The following RYR3 variants were observed in gnomAD, a reference collection of about 807,000 sequenced individuals.
RYR3 encodes the protein brain ryanodine receptor-calcium release channel.
In RYR3, 207 loss-of-function variants were observed where a neutral mutation model predicts 584.3. That is an observed-to-expected ratio of 0.35 (90% confidence interval 0.32 to 0.40). The LOEUF (loss-of-function observed/expected upper bound fraction) is 0.40, where lower values mean the gene tolerates loss of function less well. RYR3 is among the 10% of genes least tolerant of loss of function. The pLI is 1.00. For missense variants in RYR3, 5,616 were observed against 6,089.2 expected (o/e 0.92, Z 2.59); for synonymous variants, 2,416 against 2,248.5 (o/e 1.07, Z -2.11).
chr15:33,612,003 A>G (rs565298122), intron 18 of RYR3, among the ~76,000 whole-genome samples: 2 of 152,300 alleles, frequency 1.3e-5, no homozygotes, highest in African/African-American at 4.8e-5. Context: ...ATGAATACAT[A>G]TTATTTCTGT....
At chr15:33,626,935 T>C (rs1474378117) in intron 20 of RYR3, among the ~76,000 whole-genome samples, 1 of 152,096 alleles carries the variant, frequency 6.6e-6, no homozygotes, top group East Asian at 1.9e-4. Context: ...CATGGAGAAC[T>C]TCTACTAGGG....
chr15:33,599,642 G>T (rs931874773), intron 16 of RYR3, among the ~76,000 whole-genome samples: 1 of 152,154 alleles, frequency 6.6e-6, no homozygotes, highest in African/African-American at 2.4e-5. Context: ...TGAATAGAAC[G>T]GGAGGCAGGT....
chr15:33,645,352 A>T (rs12438930), intron 28 of RYR3, among the ~76,000 whole-genome samples: 1 of 151,896 alleles, frequency 6.6e-6, no homozygotes. Flanking sequence ...ATGCCAGACA[A>T]ATCAGCCCCA....
intron 1 of RYR3, among the ~76,000 whole-genome samples, chr15:33,338,089 C>T (rs999089249): frequency 2.0e-4 from 31 of 151,872 alleles, no homozygotes; most frequent in South Asian, 2.1e-4. Flanking sequence ...GGACTGCAGG[C>T]GCCCGCCACC....
chr15:33,338,735 T>G (rs1971446245), intron 1 of RYR3, among the ~76,000 whole-genome samples: 1 of 152,132 alleles, frequency 6.6e-6, no homozygotes, highest in Non-Finnish European at 1.5e-5. Flanking sequence ...AAATTTAATT[T>G]CCTTTCACAT....
intron 57 of RYR3, among the ~76,000 whole-genome samples, chr15:33,752,216 C>CT (rs970374806): frequency 2.0e-5 from 3 of 152,234 alleles, no homozygotes; most frequent in African/African-American, 7.2e-5. Flanking sequence ...TATGCGGGCT[C>CT]TTTTTTTGTT....
chr15:33,713,074 C>T (rs2067234543), intron 43 of RYR3, among the ~76,000 whole-genome samples: 1 of 152,102 alleles, frequency 6.6e-6, no homozygotes, highest in African/African-American at 2.4e-5. Context: ...TTTATAAGTC[C>T]TTATGTCTAA....
intron 51 of RYR3, among the ~76,000 whole-genome samples, chr15:33,741,245 C>T (rs1356057298): frequency 6.6e-6 from 1 of 152,186 alleles, no homozygotes; most frequent in African/African-American, 2.4e-5. Flanking sequence ...AATATGGGGT[C>T]ATTATCAAGA....
Position 33,603,245 on chromosome 15 carries a change from T to C in RYR3, c.2045T>C (p.Val682Ala). The C allele has an allele frequency of 6.2e-7, 1 of 1,613,830 alleles. No homozygotes were observed. Among genetic ancestry groups the C allele is most frequent in the South Asian group, 1.1e-5 (1 of 91,072 alleles). The change falls in exon 18 of 104, where the codon GTG becomes GCG. Residue 682 changes from valine (V) to alanine (A), a missense_variant. By Grantham distance (64) the Val-to-Ala change is moderately conservative. This residue lies in a region of RYR3 where 1,284 missense variants were observed against 1,344.6 expected (regional missense o/e 0.95). Transcript: ENST00000634891. ...FLTAEPTHLR[V>A]GWASSSGYAP... ...ACAGCAGAGCCCACACATCTGCGGG[T>C]GGGCTGGGCCTCTTCTTCAGGCTAT...
Position 33,756,361 on chromosome 15 carries a change from A to G in RYR3, c.8571A>G (p.Lys2857=), listed in dbSNP as rs778113507. 6.3e-7 allele frequency: 1 copy of G among 1,575,450 alleles called. No homozygotes were observed. The highest frequency in any genetic ancestry group is 1.2e-5 in the South Asian group (1 of 85,482). ...AGTCTCCCCGTGACCAGGAGATCAAATTCTTTGCCAAAGTAAGTGGCCCTG... is the reference window on the plus strand; with the variant it reads ...AGTCTCCCCGTGACCAGGAGATCAAGTTCTTTGCCAAAGTAAGTGGCCCTG... ...TEKSPRDQEI[K]FFAKVLLPLV... The change falls in exon 59 of 104, where the codon AAA becomes AAG. Residue 2857 remains lysine (K), a synonymous_variant. Transcript: ENST00000634891.
At chr15:33,830,738 C>A in intron 85 of RYR3, 1 of 382,386 alleles carries the variant, frequency 2.6e-6, no homozygotes, top group Non-Finnish European at 4.6e-6. Context: ...CAAGTTCCAG[C>A]TGAAGGCAGT....
At chr15:33,607,845 A>G (rs1269841229) in intron 18 of RYR3, among the ~76,000 whole-genome samples, 1 of 152,194 alleles carries the variant, frequency 6.6e-6, no homozygotes, top group Non-Finnish European at 1.5e-5. Context: ...GCTGTGGGTT[A>G]CAGTGTGCGA....
chr15:33,770,744 AAGTT>A (rs1305782953), intron 62 of RYR3, among the ~76,000 whole-genome samples: 2 of 152,194 alleles, frequency 1.3e-5, no homozygotes, highest in African/African-American at 4.8e-5. Context: ...CAAAAAAAAA[AAGTT>A]AGAAAGATAG....
chr15:33,623,858 C>T lies in RYR3; in HGVS notation c.2409C>T (p.Pro803=), dbSNP rs1259476488. ...GRHGEFKFLP[P]SGYAPCYEAL... is the part of the protein sequence containing the mutation. ...ATGGAGAGTTTAAGTTCCTGCCTCC[C>T]TCTGGCTATGCCCCTTGCTATGAAG... is the stretch of plus-strand genomic sequence containing the variant. The change falls in exon 20 of 104, where the codon CCC becomes CCT. Residue 803 remains proline (P), a synonymous_variant. Transcript: ENST00000634891. 1.2e-6 allele frequency: 2 copies of T among 1,613,856 alleles called. No homozygotes were observed. The highest frequency in any genetic ancestry group is 1.3e-5 in the African/African-American group (1 of 75,024).
chr15:33,861,530 C>A (rs1888213759), intron 102 of RYR3, among the ~76,000 whole-genome samples: 1 of 151,438 alleles, frequency 6.6e-6, no homozygotes, highest in Non-Finnish European at 1.5e-5. Flanking sequence ...CCCACTTTTA[C>A]TTCCAACTAT....
chr15:33,818,610 A>G lies in RYR3; in HGVS notation c.10632A>G (p.Glu3544=), dbSNP rs2076944942. Reference sequence around the variant, plus strand: ...CAAAGGTGGAAGAGGAGGAGGAGGAAGAGACAGAAAAACAACCTGACCCAC... The same window carrying G: ...CAAAGGTGGAAGAGGAGGAGGAGGAGGAGACAGAAAAACAACCTGACCCAC... ...KSPKVEEEEE[E]ETEKQPDPLH... The change falls in exon 76 of 104, where the codon GAA becomes GAG. Residue 3544 remains glutamate, a synonymous_variant. Coordinates refer to ENST00000634891, the MANE Select transcript of RYR3 (RefSeq NM_001036.6). 6.2e-7 allele frequency: 1 copy of G among 1,613,842 alleles called. No individual in the cohort carries two copies.
rs773752097 is a variant in RYR3, at chr15:33,827,280, G to A, written c.11327G>A (p.Arg3776His). The change falls in exon 85 of 104, where the codon CGT becomes CAT. Residue 3776 changes from arginine to histidine, a missense_variant. Around this residue, in one of 9 missense-constraint regions of RYR3, gnomAD observed 954 missense variants for 1,132.2 expected, o/e 0.84. Transcript: ENST00000634891. ...ATCAGCACTGTGGACTACCTTCTGC[G>A]TCTGCAGGTGAGTGGGAGGGCCTTG... The part of the protein sequence containing the change: ...VIISTVDYLL[R>H]LQESISDFYW... 138 of 1,552,996 alleles carry A rather than the reference G, an allele frequency of 8.9e-5. No homozygotes were observed. The highest frequency in any genetic ancestry group is 4.3e-4 in the Admixed American group (22 of 51,094).
chr15:33,654,294 C>G (rs949719478), intron 32 of RYR3, among the ~76,000 whole-genome samples: 1 of 152,040 alleles, frequency 6.6e-6, no homozygotes, highest in African/African-American at 2.4e-5. Context: ...GCAGACAGAT[C>G]ATTTGAGCTC....
intron 12 of RYR3, among the ~76,000 whole-genome samples, chr15:33,577,476 C>T (rs1357503100): frequency 1.3e-5 from 2 of 152,088 alleles, no homozygotes; most frequent in Non-Finnish European, 2.9e-5. Context: ...CATCTACAAC[C>T]ATCTGATCTT....
Sources: allele counts gnomAD v4.1 joint callset (sites outside exome capture counted in the v4.1 genomes callset), GRCh38; gene constraint gnomAD v4.1.1; regional missense constraint gnomAD v4.1.1; transcripts MANE v1.5; gene names NCBI Gene and HGNC (gene_info 2026-07-23, HGNC 2026-07-21).